The following SRPRB variants were observed in gnomAD, a reference collection of about 807,000 sequenced individuals.
SRPRB encodes the protein signal recognition particle receptor subunit beta.
SRPRB carries 20 observed loss-of-function variants against 31.9 expected under a neutral mutation model. That is an observed-to-expected ratio of 0.63 (90% CI 0.44 to 0.91). SRPRB has a LOEUF of 0.91. Among genes scored for constraint, SRPRB ranks in the 40% least tolerant of loss-of-function variants. The probability of loss-of-function intolerance (pLI) is 0.00; values close to 1 mark genes in which losing one functional copy is unlikely to be tolerated. For synonymous variants in SRPRB, 146 were observed against 132.8 expected, an observed-to-expected ratio of 1.10 and a Z score of -0.68; for missense variants, 321 against 324.9, an observed-to-expected ratio of 0.99 and a Z score of 0.09.
chr3:133,814,160 C>T (rs543370335), intron 4 of SRPRB, among the ~76,000 whole-genome samples: 19 of 147,720 alleles, frequency 1.3e-4, no homozygotes, highest in Non-Finnish European at 2.5e-4. Context: ...GAGACGGAGT[C>T]TCGCTCTGTT....
At chr3:133,801,319 A>G (rs1411738996), upstream of SRPRB, among the ~76,000 whole-genome samples, 6 of 152,214 alleles carry the variant, frequency 3.9e-5, no homozygotes, top group Admixed American at 3.9e-4. Flanking sequence ...TCAGTATCGC[A>G]TGTCCTTCCT....
At chr3:133,786,819 C>T (rs567820885) in intron 1 of SRPRB, 22 of 152,260 alleles carry the variant, frequency 1.4e-4, no homozygotes, top group Admixed American at 3.3e-4. Flanking sequence ...ATATAGTGGA[C>T]GAATTAACTT....
upstream of SRPRB, among the ~76,000 whole-genome samples, chr3:133,800,818 C>G (rs78044285): frequency 6.6e-6 from 1 of 152,178 alleles, no homozygotes; most frequent in Non-Finnish European, 1.5e-5. Flanking sequence ...TGACCAGTGC[C>G]TCCCATGAGC....
upstream of SRPRB, among the ~76,000 whole-genome samples, chr3:133,805,296 C>CT (rs1478581935): frequency 6.6e-6 from 1 of 152,144 alleles, no homozygotes; most frequent in South Asian, 2.1e-4. Context: ...TGCACAGCAC[C>CT]TTTTTTTCCT....
chr3:133,798,556 T>C (rs1349819195), intron 1 of SRPRB, among the ~76,000 whole-genome samples: 1 of 152,228 alleles, frequency 6.6e-6, no homozygotes, highest in Non-Finnish European at 1.5e-5. Context: ...ATTTTTGTCT[T>C]TTATAAAATT....
chr3:133,816,039 A>G (rs1935359920), intron 5 of SRPRB, among the ~76,000 whole-genome samples: 1 of 152,214 alleles, frequency 6.6e-6, no homozygotes, highest in Non-Finnish European at 1.5e-5. Context: ...GTGATATCAG[A>G]TGCACAGTTT....
chr3:133,789,803 T>C (rs1182361214), intron 1 of SRPRB: 8 of 151,914 alleles, frequency 5.3e-5, no homozygotes, highest in Non-Finnish European at 1.2e-4. Flanking sequence ...CTCTGCTAGA[T>C]ATTTTGAGGT....
downstream of SRPRB, chr3:133,828,551 A>C (rs1177830796): frequency 2.0e-6 from 1 of 511,612 alleles, no homozygotes; most frequent in African/African-American, 2.0e-5. Flanking sequence ...CAATCTTAAT[A>C]AAGTACAATA....
At chr3:133,800,267 G>C (rs1935041714) in intron 1 of SRPRB, among the ~76,000 whole-genome samples, 1 of 152,244 alleles carries the variant, frequency 6.6e-6, no homozygotes, top group Non-Finnish European at 1.5e-5. Context: ...AGAGCCAGCA[G>C]TTTTGGTATA....
chr3:133,823,128 G>A (rs1309581709), downstream of SRPRB, among the ~76,000 whole-genome samples: 1 of 152,202 alleles, frequency 6.6e-6, no homozygotes, highest in African/African-American at 2.4e-5. Flanking sequence ...GTGGGCTTGT[G>A]GTCAGCTGCC....
At chr3:133,789,787 A>G (rs891542578) in intron 1 of SRPRB, 2 of 147,388 alleles carry the variant, frequency 1.4e-5, no homozygotes, top group Admixed American at 1.4e-4. Flanking sequence ...TGGGTTTTAT[A>G]TTTGTCTCTG....
intron 2 of SRPRB, among the ~76,000 whole-genome samples, 160 bp downstream of exon 2, chr3:133,806,863 C>T (rs1369350997): frequency 6.6e-6 from 1 of 152,080 alleles, no homozygotes; most frequent in Non-Finnish European, 1.5e-5. Flanking sequence ...CTCGTAGAAA[C>T]CCATAATTGA....
chr3:133,804,333 A>G (rs1935111832), upstream of SRPRB, among the ~76,000 whole-genome samples: 2 of 151,974 alleles, frequency 1.3e-5, no homozygotes, highest in Non-Finnish European at 2.9e-5. Flanking sequence ...GCTAAATAAC[A>G]AGCAGAGAGG....
chr3:133,793,967 C>T (rs1489813986), intron 1 of SRPRB: 1 of 152,086 alleles, frequency 6.6e-6, no homozygotes, highest in Non-Finnish European at 1.5e-5. Flanking sequence ...AAATACTTTG[C>T]CAGATTTTCA....
chr3:133,787,104 T>G (rs991906280), intron 1 of SRPRB: 1 of 152,254 alleles, frequency 6.6e-6, no homozygotes, highest in Non-Finnish European at 1.5e-5. Context: ...CTGTCTGTTT[T>G]GTGCATTTTG....
At chr3:133,796,199 T>G (rs1934966391) in intron 1 of SRPRB, 1 of 153,314 alleles carries the variant, frequency 6.5e-6, no homozygotes, top group African/African-American at 2.4e-5. Flanking sequence ...CCACCACCCC[T>G]GGCCATCAAG....
At chr3:133,805,035 T>C (rs920580694), upstream of SRPRB, among the ~76,000 whole-genome samples, 19 of 152,222 alleles carry the variant, frequency 1.2e-4, no homozygotes, top group African/African-American at 4.6e-4. Flanking sequence ...TCTGCCTTTA[T>C]TGCTTCTCTT....
At chr3:133,798,344 A>G (rs1391787021) in intron 1 of SRPRB, among the ~76,000 whole-genome samples, 1 of 152,238 alleles carries the variant, frequency 6.6e-6, no homozygotes, top group Non-Finnish European at 1.5e-5. Flanking sequence ...TTTCGGCTGT[A>G]CTATAGGAAT....
rs200576389 is a variant in SRPRB, at chr3:133,805,815, G to C, written c.-34G>C. On this transcript the variant is annotated 5_prime_UTR_variant, in exon 1 of 7. Coordinates refer to ENST00000678299, the MANE Select transcript of SRPRB (RefSeq NM_001379313.1). Reference sequence around the variant, plus strand: ...CCTGCGCAGAGTGCAGGGCCACGTCGCTTTTGCTGTACCGGGGACCACGCG... The same window carrying C: ...CCTGCGCAGAGTGCAGGGCCACGTCCCTTTTGCTGTACCGGGGACCACGCG... 1.3e-6 allele frequency: 2 copies of C among 1,581,766 alleles called. No individual in the cohort carries two copies. Among genetic ancestry groups the C allele is most frequent in the African/African-American group, 2.7e-5 (2 of 74,156 alleles).
Sources: allele counts gnomAD v4.1 joint callset (sites outside exome capture counted in the v4.1 genomes callset), GRCh38; gene constraint gnomAD v4.1.1; transcripts MANE v1.5; gene names NCBI Gene and HGNC (gene_info 2026-07-23, HGNC 2026-07-21).